Variants in ABCF1 observed in about 807,000 individuals in gnomAD.
ABCF1 encodes ATP-binding cassette sub-family F member 1.
ABCF1 carries 73 observed loss-of-function variants against 126.3 expected under a neutral mutation model. The observed-to-expected ratio is 0.58, with a 90% confidence interval of 0.48 to 0.70. ABCF1 has a LOEUF of 0.70. Ranked by LOEUF, ABCF1 falls within the 30% of genes least tolerant of loss-of-function variation. The pLI is 0.00. For missense variants in ABCF1, 786 were observed against 1,057.5 expected, an observed-to-expected ratio of 0.74 and a Z score of 3.56; for synonymous variants, 345 against 396.4, an observed-to-expected ratio of 0.87 and a Z score of 1.54.
intron 8 of ABCF1, among the ~76,000 whole-genome samples, chr6:30,581,115 A>G (rs778522356): frequency 2.4e-4 from 36 of 152,162 alleles, no homozygotes; most frequent in African/African-American, 7.7e-4. Context: ...CAGGAGCTAT[A>G]TAAAAATAAA....
chr6:30,571,574 G>A lies in ABCF1; in HGVS notation c.73+14G>A, dbSNP rs1469447712. 5.6e-6 allele frequency: 9 copies of A among 1,607,714 alleles called. No homozygotes were observed. In the Admixed American group the frequency reaches 1.3e-4, roughly 24 times the overall value. ...CGAGCCCATCAGGTGAGGCTGGTAG[G>A]CAAGGAAGAAACGAGCAGAGGGGGA... is the stretch of plus-strand genomic sequence containing the variant. On this transcript the variant is annotated intron_variant, in intron 1 of 24. Transcript: ENST00000326195.
At chr6:30,587,797 C>T (rs1331455520) in intron 20 of ABCF1, among the ~76,000 whole-genome samples, 2 of 149,638 alleles carry the variant, frequency 1.3e-5, no homozygotes, top group African/African-American at 4.9e-5. Context: ...TCCAGTTAGC[C>T]GAGGTCGTGC....
intron 9 of ABCF1, among the ~76,000 whole-genome samples, 183 bp from the exon 10 acceptor site, chr6:30,582,883 G>A (rs1250955635): frequency 6.6e-6 from 1 of 152,138 alleles, no homozygotes; most frequent in Non-Finnish European, 1.5e-5. Context: ...TGTAGAGACA[G>A]TATTTTAGCA....
In ABCF1 at chr6:30,583,585, C is replaced by T. The variant is rs778339871; in HGVS notation, c.916-23C>T. 2.1e-5 allele frequency: 34 copies of T among 1,612,170 alleles called. No homozygotes were observed. The highest frequency in any genetic ancestry group is 2.8e-5 in the Non-Finnish European group (33 of 1,178,468). On this transcript the variant is annotated intron_variant, in intron 10 of 24. Coordinates refer to ENST00000326195, the MANE Select transcript of ABCF1 (RefSeq NM_001025091.2). The surrounding 1 kb of genome is among the most constrained non-coding windows in gnomAD (Gnocchi z 4.1). ...TCATGTGATCATCCCTTCCCTCTGC[C>T]ACCTCTTTCCTGATGGCTGCAGCTG...
rs549451699 is a variant in ABCF1 at position 30,571,520 on chromosome 6, G to T, written c.33G>T (p.Glu11Asp). The change falls in exon 1 of 25, where the codon GAG becomes GAT. Residue 11 changes from glutamate to aspartate, a missense_variant. By Grantham distance (45) the Glu-to-Asp change is conservative. Coordinates refer to ENST00000326195, the MANE Select transcript of ABCF1 (RefSeq NM_001025091.2). The part of the protein sequence containing the change: MPKAPKQQPP[E>D]PEWIGDGEST... ...AGGCGCCCAAGCAGCAGCCGCCGGA[G>T]CCCGAGTGGATCGGGGACGGAGAGA... 2 of 1,611,286 alleles carry T rather than the reference G, an allele frequency of 1.2e-6. No homozygotes were observed. Among genetic ancestry groups the T allele is most frequent in the Non-Finnish European group, 1.7e-6 (2 of 1,179,678 alleles).
chr6:30,578,245 C>G, intron 4 of ABCF1, 43 bp downstream of exon 4: 1 of 1,613,730 alleles, frequency 6.2e-7, no homozygotes, highest in Non-Finnish European at 8.5e-7. Flanking sequence ...ATCCATGAGT[C>G]ATGGAGAGTG....
At chr6:30,573,920 G>A (rs959486740) in intron 1 of ABCF1, among the ~76,000 whole-genome samples, 6 of 152,168 alleles carry the variant, frequency 3.9e-5, no homozygotes, top group Admixed American at 1.3e-4. Context: ...ACAGTAATGG[G>A]GGAGAGGGGT....
At chr6:30,580,280 G>T in intron 7 of ABCF1, 126 bp from the exon 8 acceptor site, 3 of 766,684 alleles carry the variant, frequency 3.9e-6, no homozygotes, top group Non-Finnish European at 6.0e-6. Context: ...CCGGGAGGTG[G>T]AGCTTGCAGT....
At position 30,590,758 on chromosome 6, in the gene ABCF1, G is replaced by A. The variant is rs1377404165; in HGVS notation, c.*57G>A. On this transcript the variant is annotated 3_prime_UTR_variant, in exon 25 of 25. Coordinates refer to ENST00000326195, the MANE Select transcript of ABCF1 (RefSeq NM_001025091.2). ...TATTTGTGTGGCCTAGAAGTCCTCT[G>A]TGGTCTCCCCTCCTCTGAAGACTGC... The A allele has an allele frequency of 6.5e-7, 1 of 1,537,026 alleles. No individual in the cohort carries two copies. Among genetic ancestry groups the A allele is most frequent in the Non-Finnish European group, 8.8e-7 (1 of 1,141,658 alleles).
At chr6:30,590,427 C>G (rs1414362380) in intron 24 of ABCF1, 49 bp downstream of exon 24, 2 of 1,579,772 alleles carry the variant, frequency 1.3e-6, no homozygotes, top group African/African-American at 2.7e-5. Flanking sequence ...GGGGACCAAG[C>G]TGTAGTGTCC....
intron 1 of ABCF1, among the ~76,000 whole-genome samples, chr6:30,575,117 T>C (rs1801432227): frequency 6.7e-6 from 1 of 149,632 alleles, no homozygotes. Context: ...TCACCCAGGC[T>C]GGAGTGCAGT....
In ABCF1 at chr6:30,584,666, A is replaced by G; in HGVS notation, c.1391+100A>G. ...CTTCCAAGGCCAATAGGGAGGCTCA[A>G]GGCTTACCTCTCCCTCCTTACTATC... On this transcript the variant is annotated intron_variant, in intron 14 of 24. Transcript: ENST00000326195. The surrounding 1 kb of genome is among the most constrained non-coding windows in gnomAD (Gnocchi z 4.6). 1 of 1,417,424 alleles carries G rather than the reference A, an allele frequency of 7.1e-7. No individual in the cohort carries two copies. Among genetic ancestry groups the G allele is most frequent in the Non-Finnish European group, 9.4e-7 (1 of 1,059,410 alleles). The allele number at this position is 1,417,424 out of a possible 1,614,324, so 87.8% of individuals were successfully genotyped here.
intron 8 of ABCF1, 79 bp downstream of exon 8, chr6:30,580,598 G>A: frequency 2.4e-6 from 2 of 844,038 alleles, no homozygotes; most frequent in Non-Finnish European, 1.7e-6. Context: ...AGAATCTGGG[G>A]ATATAGTTAT....
Position 30,585,241 on chromosome 6 carries a change from T to C in ABCF1, c.1392-19T>C. The C allele has an allele frequency of 1.2e-6, 2 of 1,610,756 alleles. No individual in the cohort carries two copies. The highest frequency in any genetic ancestry group is 1.7e-6 in the Non-Finnish European group (2 of 1,177,632). On this transcript the variant is annotated intron_variant, in intron 14 of 24. Transcript: ENST00000326195. ...GATCTTTCTCTCCCTGACCCTGCCC[T>C]CTGCTACCCACCCTCTAGGGCACTG...
intron 6 of ABCF1, among the ~76,000 whole-genome samples, chr6:30,579,576 G>A (rs958373127): frequency 1.3e-5 from 2 of 149,822 alleles, no homozygotes; most frequent in African/African-American, 4.9e-5. Context: ...TCCTGCCTCA[G>A]CTTCCTGAGT....
At chr6:30,580,860 G>C (rs991338512) in intron 8 of ABCF1, among the ~76,000 whole-genome samples, 2 of 151,826 alleles carry the variant, frequency 1.3e-5, no homozygotes, top group African/African-American at 4.8e-5. Context: ...TTTTAGTATA[G>C]AGATGAGGTC....
chr6:30,586,601 C>T lies in ABCF1; in HGVS notation c.1961-40C>T, dbSNP rs1802149496. On this transcript the variant is annotated intron_variant, in intron 19 of 24. Coordinates refer to ENST00000326195, the MANE Select transcript of ABCF1 (RefSeq NM_001025091.2). The surrounding 1 kb of genome is among the most constrained non-coding windows in gnomAD (Gnocchi z 4.9). ...GTGTAGCAGGAGCCACAGGGAGAGT[C>T]TCTGGGGACCTCTTTGACCACCTGT... 6.2e-7 allele frequency: 1 copy of T among 1,613,180 alleles called. No individual in the cohort carries two copies. Among genetic ancestry groups the T allele is most frequent in the East Asian group, 2.2e-5 (1 of 44,884 alleles).
chr6:30,575,158 C>G (rs956736255), intron 1 of ABCF1, among the ~76,000 whole-genome samples: 6 of 151,216 alleles, frequency 4.0e-5, no homozygotes, highest in Non-Finnish European at 2.9e-5. Context: ...CAACCTCCAC[C>G]TCCCAGGTAC....
In ABCF1 at chr6:30,574,833, A is replaced by T. The variant is rs78094121; in HGVS notation, c.74-2576A>T. ...AGCGTGCCTGGGACTTCATAAAGGAACAGAAAGAAGCCAGTATCGAGACCA... is the reference window on the plus strand; with the variant it reads ...AGCGTGCCTGGGACTTCATAAAGGATCAGAAAGAAGCCAGTATCGAGACCA... On this transcript the variant is annotated intron_variant, in intron 1 of 24. Coordinates refer to ENST00000326195, the MANE Select transcript of ABCF1 (RefSeq NM_001025091.2). The surrounding 1 kb of genome is among the most constrained non-coding windows in gnomAD (Gnocchi z 4.3). Among the ~76,000 whole-genome samples the T allele has an allele frequency of 0.044, 6,723 of 152,150 alleles. 270 individuals carry two copies. Among genetic ancestry groups the T allele is most frequent in the African/African-American group, 0.11 (4,462 of 41,472 alleles).
Sources: allele counts gnomAD v4.1 joint callset (sites outside exome capture counted in the v4.1 genomes callset), GRCh38; gene constraint gnomAD v4.1.1; non-coding constraint Gnocchi (gnomAD v3.1); transcripts MANE v1.5; gene names NCBI Gene and HGNC (gene_info 2026-07-23, HGNC 2026-07-21).